The following ARID3B variants were observed in gnomAD, a reference collection of about 807,000 sequenced individuals.
ARID3B encodes the protein AT-rich interactive domain-containing protein 3B.
In ARID3B, 10 loss-of-function variants were observed where a neutral mutation model predicts 51.9. The ratio of observed to expected loss-of-function variants is 0.19; its 90% CI spans 0.12 to 0.33. The LOEUF (loss-of-function observed/expected upper bound fraction) is 0.33, where lower values mean the gene tolerates loss of function less well. Ranked by LOEUF, ARID3B falls within the 10% of genes least tolerant of loss-of-function variation. The pLI is 1.00. For missense variants in ARID3B, 483 were observed against 716.3 expected, an observed-to-expected ratio of 0.67 and a Z score of 3.72; for synonymous variants, 205 against 279.5, an observed-to-expected ratio of 0.73 and a Z score of 2.66.
chr15:74,546,318 G>T (rs2061615506), intron 2 of ARID3B, among the ~76,000 whole-genome samples: 1 of 152,314 alleles, frequency 6.6e-6, no homozygotes, highest in Admixed American at 6.5e-5. Context: ...GCAGGATCCT[G>T]CCCTGACAGC....
At chr15:74,544,977 AC>A (rs2061610092) in intron 2 of ARID3B, among the ~76,000 whole-genome samples, 1 of 152,168 alleles carries the variant, frequency 6.6e-6, no homozygotes, top group Admixed American at 6.5e-5. Flanking sequence ...GGCATGAGCC[AC>A]CGCCCCTGGC....
At chr15:74,566,262 T>C (rs2061697806) in intron 2 of ARID3B, among the ~76,000 whole-genome samples, 1 of 152,074 alleles carries the variant, frequency 6.6e-6, no homozygotes, top group African/African-American at 2.4e-5. Flanking sequence ...TTAAAAATAT[T>C]TTTGATTAAA....
At chr15:74,547,146 A>T (rs1375759765) in intron 2 of ARID3B, among the ~76,000 whole-genome samples, 2 of 151,532 alleles carry the variant, frequency 1.3e-5, no homozygotes, top group African/African-American at 4.9e-5. Context: ...ATTGACACAG[A>T]TCTTTCCCCC....
chr15:74,577,653 C>G (rs969322185), intron 4 of ARID3B, among the ~76,000 whole-genome samples: 5 of 152,160 alleles, frequency 3.3e-5, no homozygotes, highest in African/African-American at 1.2e-4. Flanking sequence ...TCCTGAGAAT[C>G]TGGGCCTACA....
intron 5 of ARID3B, among the ~76,000 whole-genome samples, 176 bp downstream of exon 5, chr15:74,590,179 A>C (rs1373350971): frequency 7.2e-5 from 11 of 152,218 alleles, no homozygotes; most frequent in Admixed American, 7.2e-4. Context: ...GATGAGAACC[A>C]CCATTTACCA....
intron 1 of ARID3B, among the ~76,000 whole-genome samples, 154 bp from the exon 2 acceptor site, chr15:74,543,706 C>G (rs1009224620): frequency 1.3e-5 from 2 of 152,146 alleles, no homozygotes; most frequent in Non-Finnish European, 2.9e-5. Flanking sequence ...CACGAAACCC[C>G]CACCACTCAC....
intron 1 of ARID3B, among the ~76,000 whole-genome samples, chr15:74,543,652 C>G (rs751822169): frequency 6.6e-6 from 1 of 152,072 alleles, no homozygotes; most frequent in Non-Finnish European, 1.5e-5. Context: ...CCTATTTCCC[C>G]TCTTAGATCC....
rs554342576 is a variant in ARID3B at position 74,556,248 on chromosome 15, T to C, written c.552+11760T>C. Among the ~76,000 whole-genome samples, 161 of 152,088 alleles carry C rather than the reference T, an allele frequency of 1.1e-3. 1 individual carries two copies. Among genetic ancestry groups the C allele is most frequent in the African/African-American group, 3.2e-3 (133 of 41,484 alleles). On this transcript the variant is annotated intron_variant, in intron 2 of 8. Coordinates refer to ENST00000346246, the MANE Select transcript of ARID3B (RefSeq NM_006465.4). The stretch of plus-strand genomic sequence containing the variant: ...TTCAGTATGGTTGTGTCCAAGAGAG[T>C]AGGGAGGCCCAAGAAGAGGGAGAAA...
intron 2 of ARID3B, among the ~76,000 whole-genome samples, chr15:74,559,597 G>A (rs1452374019): frequency 1.3e-5 from 2 of 152,158 alleles, no homozygotes; most frequent in Non-Finnish European, 2.9e-5. Context: ...TCACAGTTGG[G>A]AAGCTGGCTA....
chr15:74,581,930 G>C (rs570367909), intron 4 of ARID3B, among the ~76,000 whole-genome samples: 1 of 152,170 alleles, frequency 6.6e-6, no homozygotes, highest in African/African-American at 2.4e-5. Context: ...TTACACCATG[G>C]GGAAGTTCTG....
At chr15:74,546,556 G>A (rs1022876320) in intron 2 of ARID3B, among the ~76,000 whole-genome samples, 2 of 152,208 alleles carry the variant, frequency 1.3e-5, no homozygotes, top group Non-Finnish European at 2.9e-5. Context: ...CGTGTGCACC[G>A]TGGCAGGGCA....
intron 7 of ARID3B, among the ~76,000 whole-genome samples, chr15:74,592,456 G>A (rs968183225): frequency 6.6e-6 from 1 of 152,194 alleles, no homozygotes; most frequent in Non-Finnish European, 1.5e-5. Flanking sequence ...GGTGTGAAGG[G>A]AGCTATACAT....
intron 4 of ARID3B, among the ~76,000 whole-genome samples, chr15:74,577,476 AT>A (rs1443172739): frequency 1.3e-5 from 2 of 151,882 alleles, no homozygotes; most frequent in Non-Finnish European, 2.9e-5. Context: ...GAAGAAGAAA[AT>A]TTTAAAAGAG....
chr15:74,564,571 G>A (rs1481894644), intron 2 of ARID3B, among the ~76,000 whole-genome samples: 1 of 152,070 alleles, frequency 6.6e-6, no homozygotes, highest in Non-Finnish European at 1.5e-5. Context: ...CATGAGCTTG[G>A]GATCAGCCCC....
intron 4 of ARID3B, among the ~76,000 whole-genome samples, chr15:74,581,781 A>G (rs1237605952): frequency 1.3e-5 from 2 of 152,228 alleles, no homozygotes; most frequent in African/African-American, 4.8e-5. Context: ...CCCCTTCAAA[A>G]TCTTTTATTG....
intron 2 of ARID3B, among the ~76,000 whole-genome samples, chr15:74,570,295 A>G (rs1301305205): frequency 6.6e-6 from 1 of 152,060 alleles, no homozygotes; most frequent in African/African-American, 2.4e-5. Flanking sequence ...TTATTTTCAC[A>G]CATAGTCACA....
intron 4 of ARID3B, among the ~76,000 whole-genome samples, chr15:74,588,469 G>C (rs887370765): frequency 6.6e-6 from 1 of 152,174 alleles, no homozygotes; most frequent in Non-Finnish European, 1.5e-5. Flanking sequence ...AGGCAGCCCA[G>C]TGAGACCTCA....
intron 2 of ARID3B, among the ~76,000 whole-genome samples, chr15:74,547,449 C>T (rs1435244785): frequency 6.6e-6 from 1 of 151,932 alleles, no homozygotes; most frequent in African/African-American, 2.4e-5. Flanking sequence ...TCCCAAAGTG[C>T]TGGGATTACA....
In ARID3B at chr15:74,559,772, G is replaced by A. The variant is rs116674624; in HGVS notation, c.553-13090G>A. 6.0e-3 allele frequency among the ~76,000 whole-genome samples: 914 copies of A among 151,974 alleles called. 7 individuals are homozygous for A. Among genetic ancestry groups the A allele is most frequent in the African/African-American group, 0.021 (860 of 41,440 alleles). ...ATGCAGGCTCATTTTAGAAAACATG[G>A]AAAATGTAAAAATTTGTAAAGAAGA... On this transcript the variant is annotated intron_variant, in intron 2 of 8. Transcript: ENST00000346246.
Sources: allele counts gnomAD v4.1 joint callset (sites outside exome capture counted in the v4.1 genomes callset), GRCh38; gene constraint gnomAD v4.1.1; transcripts MANE v1.5; gene names NCBI Gene and HGNC (gene_info 2026-07-23, HGNC 2026-07-21).